SUMF1: variants seen among roughly 807,000 people sequenced by gnomAD.
The protein encoded by SUMF1 is sulfatase modifying factor 1.
In SUMF1, 48 loss-of-function variants were observed where a neutral mutation model predicts 47.6. That is an observed-to-expected ratio of 1.01 (90% CI 0.80 to 1.28). The LOEUF (loss-of-function observed/expected upper bound fraction) is 1.28. SUMF1 is among the 50% of genes most tolerant of loss of function. SUMF1 has a pLI of 0.00. For missense variants in SUMF1, 571 were observed against 485.4 expected (o/e 1.18, Z -1.66); for synonymous variants, 230 against 192.1 (o/e 1.20, Z -1.63).
chr3:4,162,410 G>C (rs7614512), intron 8 of SUMF1, among the ~76,000 whole-genome samples: 1 of 152,178 alleles, frequency 6.6e-6, no homozygotes, highest in African/African-American at 2.4e-5. Flanking sequence ...TTGTGGCCTA[G>C]ACTGCCTTTC....
In SUMF1 at chr3:4,207,447, C is replaced by T. The variant is rs113818513; in HGVS notation, c.1015-138702G>A. Among the ~76,000 whole-genome samples, 92 of 152,216 alleles carry T rather than the reference C, an allele frequency of 6.0e-4. 3 individuals carry two copies. Among genetic ancestry groups the T allele is most frequent in the African/African-American group, 2.2e-3 (91 of 41,562 alleles). Reference sequence around the variant, plus strand: ...AAAGCATTCAGGCTTTTAATATTAACCATGAAATTACCTGCAGCTCAGGTT... The same window carrying T: ...AAAGCATTCAGGCTTTTAATATTAATCATGAAATTACCTGCAGCTCAGGTT... On this transcript the variant is annotated intron_variant and NMD_transcript_variant, in intron 8 of 12. Transcript: ENST00000448413.
chr3:4,064,036 T>C (rs1405199956), intron 9 of SUMF1, among the ~76,000 whole-genome samples: 2 of 152,082 alleles, frequency 1.3e-5, no homozygotes, highest in Non-Finnish European at 1.5e-5. Flanking sequence ...GAGGGTGAGA[T>C]AATGGCCCTG....
intron 8 of SUMF1, among the ~76,000 whole-genome samples, chr3:4,075,082 T>G (rs1692390550): frequency 6.6e-6 from 1 of 152,170 alleles, no homozygotes; most frequent in East Asian, 1.9e-4. Context: ...TGAACATCAA[T>G]GTGAAAATCC....
intron 3 of SUMF1, among the ~76,000 whole-genome samples, chr3:4,437,685 T>C (rs929187663): frequency 1.6e-4 from 25 of 152,174 alleles, no homozygotes; most frequent in African/African-American, 6.0e-4. Context: ...ACACCTGTAA[T>C]CTCAGCACTT....
chr3:4,096,324 C>G (rs1000192048), intron 8 of SUMF1, among the ~76,000 whole-genome samples: 1 of 152,146 alleles, frequency 6.6e-6, no homozygotes, highest in East Asian at 1.9e-4. Context: ...TTCTCCCACA[C>G]TATAGCTGTT....
Position 4,449,307 on chromosome 3 carries a change from C to T in SUMF1, c.478G>A (p.Gly160Ser), listed in dbSNP as rs1702888969. The change falls in exon 3 of 9, where the codon GGC (glycine) becomes AGC (serine). Residue 160 changes from glycine (G) to serine (S), a missense_variant. By Grantham distance (56) the Gly-to-Ser change is moderately conservative (BLOSUM62 0). Coordinates refer to ENST00000272902, the MANE Select transcript of SUMF1 (RefSeq NM_182760.4). ...EKFGDSFVFE[G>S]MLSEQVKTNI... is the part of the protein sequence containing the mutation. ...GTCTTCACTTGCTCACTCAACATGC[C>T]TTCAAAGACAAAGGAGTCGCCAAAC... is the stretch of plus-strand genomic sequence containing the variant. 1 of 1,614,116 alleles carries T rather than the reference C, an allele frequency of 6.2e-7. No individual in the cohort carries two copies.
chr3:4,112,389 C>T (rs1175045222), intron 8 of SUMF1, among the ~76,000 whole-genome samples: 1 of 152,096 alleles, frequency 6.6e-6, no homozygotes, highest in African/African-American at 2.4e-5. Flanking sequence ...TACCTGGTCC[C>T]TTCCAATAAA....
chr3:4,252,533 T>C lies in SUMF1; in HGVS notation c.1014+123797A>G, dbSNP rs79873698. On this transcript the variant is annotated intron_variant and NMD_transcript_variant, in intron 8 of 12. Transcript: ENST00000448413. ...AACCCTGAGTGGCAAAAGTAGGGAA[T>C]GAAGGCAACCAAGCTCATTACCAGC... 1.1e-3 allele frequency among the ~76,000 whole-genome samples: 162 copies of C among 152,312 alleles called. 2 individuals are homozygous for C. The highest frequency in any genetic ancestry group is 3.6e-3 in the African/African-American group (150 of 41,576).
rs1696526301 is a variant in SUMF1 at position 4,241,047 on chromosome 3, T to C, written c.1014+135283A>G. On this transcript the variant is annotated intron_variant and NMD_transcript_variant, in intron 8 of 12. Transcript: ENST00000448413. ...TATATGTGTAGAAAGCACATTTATA[T>C]CAGTAGAAAGTAATTAGTAGTGGTT... Among the ~76,000 whole-genome samples the C allele has an allele frequency of 2.6e-5, 4 of 152,100 alleles. 1 individual carries two copies. In the South Asian group the frequency reaches 8.3e-4, roughly 32 times the overall value.
chr3:4,060,397 T>C (rs925462982), intron 9 of SUMF1, among the ~76,000 whole-genome samples: 8 of 152,176 alleles, frequency 5.3e-5, no homozygotes, highest in Non-Finnish European at 1.2e-4. Context: ...TTATATAATC[T>C]CTCTGCCTCG....
At chr3:4,045,288 C>T (rs572380949) in intron 9 of SUMF1, among the ~76,000 whole-genome samples, 1 of 151,942 alleles carries the variant, frequency 6.6e-6, no homozygotes, top group African/African-American at 2.4e-5. Context: ...CTAGCCTCCC[C>T]CTCCTAACAG....
chr3:4,449,950 C>T (rs1385297252), intron 2 of SUMF1, among the ~76,000 whole-genome samples: 7 of 152,234 alleles, frequency 4.6e-5, no homozygotes, highest in South Asian at 4.1e-4. Flanking sequence ...TGACTCTCCT[C>T]CTACATTTGT....
chr3:4,174,358 A>T (rs1197045407), intron 8 of SUMF1, among the ~76,000 whole-genome samples: 1 of 17,344 alleles, frequency 5.8e-5, no homozygotes, highest in Non-Finnish European at 1.5e-4. Context: ...TCCGTCTCCA[A>T]AAAAAAAAAA....
rs149475783 is a variant in SUMF1 at position 4,102,127 on chromosome 3, G to A, written c.1015-33382C>T. Among the ~76,000 whole-genome samples, 402 of 152,222 alleles carry A rather than the reference G, an allele frequency of 2.6e-3. 5 individuals carry two copies. Among genetic ancestry groups the A allele is most frequent in the African/African-American group, 8.8e-3 (365 of 41,526 alleles). ...ATCCCACGATATGTGGAGATTACGG[G>A]AACTACAATTCAACATGAGATTTTG... On this transcript the variant is annotated intron_variant and NMD_transcript_variant, in intron 8 of 12. Transcript: ENST00000448413.
intron 8 of SUMF1, chr3:4,312,780 GT>G: frequency 1.7e-6 from 2 of 1,203,008 alleles, no homozygotes; most frequent in South Asian, 3.3e-5. Context: ...TGTTTTGACA[GT>G]TTTGTCCTGT....
chr3:4,271,081 C>T (rs1338260240), intron 8 of SUMF1, among the ~76,000 whole-genome samples: 1 of 152,186 alleles, frequency 6.6e-6, no homozygotes, highest in Admixed American at 6.5e-5. Flanking sequence ...TCCTAGAATA[C>T]ATCAAACTCA....
chr3:4,313,921 C>T, intron 8 of SUMF1: 3 of 1,311,528 alleles, frequency 2.3e-6, no homozygotes, highest in Non-Finnish European at 3.1e-6. Flanking sequence ...ATAGAATTCT[C>T]CATTTAACAA....
chr3:4,219,706 T>C (rs1193659515), intron 8 of SUMF1, among the ~76,000 whole-genome samples: 1 of 152,176 alleles, frequency 6.6e-6, no homozygotes, highest in East Asian at 1.9e-4. Flanking sequence ...ATATTGTTTC[T>C]GAGGTACCTC....
chr3:4,146,737 C>T (rs987144316), intron 8 of SUMF1, among the ~76,000 whole-genome samples: 4 of 146,586 alleles, frequency 2.7e-5, no homozygotes, highest in African/African-American at 1.0e-4. Context: ...CTTCCTGTGT[C>T]TATGTGTTCT....
Sources: gnomAD v4.1 joint callset for allele counts (sites outside exome capture counted in the v4.1 genomes callset) on GRCh38, gnomAD v4.1.1 for gene constraint, MANE v1.5 for transcripts, NCBI Gene and HGNC (gene_info 2026-07-23, HGNC 2026-07-21) for gene names.